TSNARE1: variants seen among roughly 807,000 people sequenced by gnomAD.
TSNARE1 encodes the protein t-SNARE domain-containing protein 1.
Under a neutral mutation model 62.0 loss-of-function variants are expected in TSNARE1, and 49 were observed. The observed-to-expected ratio is 0.79, with a 90% CI of 0.63 to 1.00. The LOEUF (loss-of-function observed/expected upper bound fraction) is 1.00. TSNARE1 is among the 50% of genes least tolerant of loss of function. The pLI is 0.00. For synonymous variants in TSNARE1, 328 were observed against 294.4 expected, an observed-to-expected ratio of 1.11 and a Z score of -1.17; for missense variants, 755 against 700.1, an observed-to-expected ratio of 1.08 and a Z score of -0.88.
chr8:142,265,999 C>T (rs1408819118), intron 12 of TSNARE1, among the ~76,000 whole-genome samples: 1 of 152,220 alleles, frequency 6.6e-6, no homozygotes, highest in Non-Finnish European at 1.5e-5. Context: ...ATATATTCTA[C>T]TAGTCACTGG....
In TSNARE1 at chr8:142,322,111, G is replaced by A. The variant is rs186596277; in HGVS notation, c.894-3477C>T. Among the ~76,000 whole-genome samples the A allele has an allele frequency of 1.8e-3, 278 of 152,348 alleles. 4 individuals are homozygous for A. The highest frequency in any genetic ancestry group is 6.4e-3 in the African/African-American group (266 of 41,588). ...GTTCAACATTCAAACATCAGTGAGTGTAATTCTCATATCAACAGAGCAAAT... is the reference window on the plus strand; with the variant it reads ...GTTCAACATTCAAACATCAGTGAGTATAATTCTCATATCAACAGAGCAAAT... On this transcript the variant is annotated intron_variant, in intron 6 of 13. Coordinates refer to ENST00000524325, the MANE Select transcript of TSNARE1 (RefSeq NM_145003.5).
At chr8:142,317,718 G>A (rs1353474207) in intron 7 of TSNARE1, among the ~76,000 whole-genome samples, 4 of 152,220 alleles carry the variant, frequency 2.6e-5, no homozygotes, top group Admixed American at 6.5e-5. Flanking sequence ...AGCACTTTGG[G>A]AGGCAGAGGT....
intron 11 of TSNARE1, chr8:142,277,862 G>A (rs1820758863): frequency 4.1e-6 from 4 of 985,184 alleles, no homozygotes; most frequent in African/African-American, 1.7e-5. Flanking sequence ...TGCAGAAAAG[G>A]ACTAAGCACC....
At chr8:142,266,926 C>T (rs891821320) in intron 12 of TSNARE1, among the ~76,000 whole-genome samples, 1 of 152,208 alleles carries the variant, frequency 6.6e-6, no homozygotes, top group Non-Finnish European at 1.5e-5. Flanking sequence ...TTTGCTATTA[C>T]TAACTTCATC....
intron 10 of TSNARE1, among the ~76,000 whole-genome samples, chr8:142,290,478 C>G (rs1002682048): frequency 6.6e-6 from 1 of 152,222 alleles, no homozygotes; most frequent in African/African-American, 2.4e-5. Context: ...GCCCCTTGCA[C>G]GAGACATAAT....
intron 6 of TSNARE1, among the ~76,000 whole-genome samples, chr8:142,326,960 A>G (rs1256668184): frequency 6.6e-6 from 1 of 152,220 alleles, no homozygotes; most frequent in Non-Finnish European, 1.5e-5. Flanking sequence ...CAAAAGACAT[A>G]TAACAACAAG....
At chr8:142,383,154 G>A in intron 1 of TSNARE1, among the ~76,000 whole-genome samples, 1 of 152,198 alleles carries the variant, frequency 6.6e-6, no homozygotes, top group Admixed American at 6.5e-5. Flanking sequence ...CTCAGAAACA[G>A]GGGTGGAGTC....
At chr8:142,375,209 C>T (rs1312270769) in intron 1 of TSNARE1, among the ~76,000 whole-genome samples, 1 of 152,250 alleles carries the variant, frequency 6.6e-6, no homozygotes, top group African/African-American at 2.4e-5. Flanking sequence ...TCTGGGTGCC[C>T]GTGAGAATGG....
In TSNARE1 at chr8:142,331,737, G is replaced by A. The variant is rs770976996; in HGVS notation, c.823+17C>T. ...TGCCTGGATGGAGGGGCAGGCCCAG[G>A]CCAGACGCACACTCACCACTGGAGT... On this transcript the variant is annotated intron_variant, in intron 5 of 13. Coordinates refer to ENST00000524325, the MANE Select transcript of TSNARE1 (RefSeq NM_145003.5). 2 of 1,581,252 alleles carry A rather than the reference G, an allele frequency of 1.3e-6. No individual in the cohort carries two copies. Among genetic ancestry groups the A allele is most frequent in the Non-Finnish European group, 1.7e-6 (2 of 1,163,726 alleles).
intron 9 of TSNARE1, among the ~76,000 whole-genome samples, chr8:142,307,323 GGTGTTCCA>G (rs1216019351): frequency 6.6e-6 from 1 of 152,208 alleles, no homozygotes; most frequent in Non-Finnish European, 1.5e-5. Flanking sequence ...CAGACTGGGC[GGTGTTCCA>G]GGTTGTGTCA....
At chr8:142,237,509 C>T (rs193110108) in intron 12 of TSNARE1, among the ~76,000 whole-genome samples, 41 of 152,358 alleles carry the variant, frequency 2.7e-4, no homozygotes, top group Middle Eastern at 3.4e-3. Context: ...CTCTCTCCAC[C>T]GTGTGCCAGC....
intron 12 of TSNARE1, among the ~76,000 whole-genome samples, chr8:142,254,859 C>T (rs1818345858): frequency 6.6e-6 from 1 of 152,288 alleles, no homozygotes; most frequent in East Asian, 1.9e-4. Flanking sequence ...GGTGGTGCTG[C>T]ACCCGGGGCT....
intron 12 of TSNARE1, among the ~76,000 whole-genome samples, chr8:142,262,015 C>G (rs1173828207): frequency 5.9e-5 from 9 of 152,212 alleles, no homozygotes; most frequent in Admixed American, 5.2e-4. Context: ...TGCCTGGTGT[C>G]CCTCTCACAG....
intron 12 of TSNARE1, among the ~76,000 whole-genome samples, chr8:142,266,574 G>A (rs1819145463): frequency 6.6e-6 from 1 of 152,212 alleles, no homozygotes; most frequent in African/African-American, 2.4e-5. Context: ...TGCTGCCAAT[G>A]TAATGTGAAA....
chr8:142,280,440 G>A (rs12679867), intron 11 of TSNARE1: 40,829 of 548,320 alleles, frequency 0.074, 1,842 homozygotes, highest in East Asian at 0.32. Flanking sequence ...GCCTCGCATC[G>A]GCACCCAGCA....
chr8:142,313,538 T>A (rs1305054309), intron 9 of TSNARE1, among the ~76,000 whole-genome samples: 2 of 152,240 alleles, frequency 1.3e-5, no homozygotes, highest in Non-Finnish European at 1.5e-5. Flanking sequence ...TCTGCATGGG[T>A]CTGCATGTCT....
intron 12 of TSNARE1, chr8:142,271,163 T>C (rs943026438): frequency 2.1e-5 from 21 of 989,120 alleles, no homozygotes; most frequent in Middle Eastern, 5.2e-4. Flanking sequence ...GGGGCTGTCC[T>C]GGGAGCCTCC....
chr8:142,346,138 A>G (rs2130444412), intron 2 of TSNARE1, among the ~76,000 whole-genome samples: 1 of 152,324 alleles, frequency 6.6e-6, no homozygotes, highest in East Asian at 1.9e-4. Flanking sequence ...TGTGACTGCA[A>G]ACTAGCAAAC....
chr8:142,277,609 G>C (rs937167561), intron 11 of TSNARE1: 1 of 985,282 alleles, frequency 1.0e-6, no homozygotes, highest in Admixed American at 6.1e-5. Flanking sequence ...AGGAAGTCTG[G>C]CCCTGTCCTA....
Sources: gnomAD v4.1 joint callset for allele counts (sites outside exome capture counted in the v4.1 genomes callset) on GRCh38, gnomAD v4.1.1 for gene constraint, MANE v1.5 for transcripts, NCBI Gene and HGNC (gene_info 2026-07-23, HGNC 2026-07-21) for gene names.